Variants in TSC2 observed in about 807,000 individuals in gnomAD.
The protein encoded by TSC2 is TSC complex subunit 2.
TSC2 carries 29 observed loss-of-function variants against 202.2 expected under a neutral mutation model. That is an observed-to-expected ratio of 0.14 (90% CI 0.11 to 0.20). The LOEUF (loss-of-function observed/expected upper bound fraction) is 0.20. Ranked by LOEUF, TSC2 falls within the 10% of genes least tolerant of loss-of-function variation. The probability of loss-of-function intolerance (pLI) is 1.00; values close to 1 mark genes in which losing one functional copy is unlikely to be tolerated. For synonymous variants in TSC2, 1,349 were observed against 1,044.0 expected (o/e 1.29, Z -5.63); for missense variants, 2,429 against 2,420.0 (o/e 1.00, Z -0.08).
rs780071959 is a variant in TSC2 at position 2,085,304 on chromosome 16, G to T, written c.4644G>T (p.Leu1548=). The stretch of plus-strand genomic sequence containing the variant: ...ACGACACCCACAAGATCGCCGTCCT[G>T]TATGTTGGAGAAGGCCAGGTGAGGC... The part of the protein sequence containing the change: ...PSYDTHKIAV[L]YVGEGQSNSE... Residue 1548 remains leucine (L), a synonymous_variant, in exon 36 of 42, where the codon CTG becomes CTT. Coordinates refer to ENST00000219476, the MANE Select transcript of TSC2 (RefSeq NM_000548.5). 2 of 1,612,734 alleles carry T rather than the reference G, an allele frequency of 1.2e-6. No individual in the cohort carries two copies. The highest frequency in any genetic ancestry group is 1.7e-5 in the Admixed American group (1 of 60,030).
intron 14 of TSC2, chr16:2,064,061 C>T: frequency 1.4e-6 from 1 of 725,918 alleles, no homozygotes; most frequent in Non-Finnish European, 2.4e-6. Context: ...TGCTCACCAG[C>T]CTTCTGAACG....
At chr16:2,064,150 C>CTG (rs754285275) in intron 14 of TSC2, 122 bp from the exon 15 acceptor site, 490 of 1,503,612 alleles carry the variant, frequency 3.3e-4, no homozygotes, top group Admixed American at 1.0e-3. Context: ...CTCTGCCCAG[C>CTG]TGTGCTGAAG....
At chr16:2,050,337 C>A (rs2150993164) in intron 2 of TSC2, 63 bp from the exon 3 acceptor site, 2 of 1,468,642 alleles carry the variant, frequency 1.4e-6, no homozygotes, top group South Asian at 1.1e-5. Flanking sequence ...TGGTTTGTGA[C>A]TTGCAGTTAA....
rs1319033169 is a variant in TSC2 at position 2,048,569 on chromosome 16, C to T, written c.-29-18C>T. ...GAGGTGTTGCTCAGATGTCCCCATT[C>T]CTGTTTCGTTTGCACAGAGGGGTTT... On this transcript the variant is annotated intron_variant, in intron 1 of 41. Coordinates refer to ENST00000219476, the MANE Select transcript of TSC2 (RefSeq NM_000548.5). 1 of 1,613,244 alleles carries T rather than the reference C, an allele frequency of 6.2e-7. No individual in the cohort carries two copies. The highest frequency in any genetic ancestry group is 1.3e-5 in the African/African-American group (1 of 74,888).
intron 36 of TSC2, among the ~76,000 whole-genome samples, 171 bp downstream of exon 36, chr16:2,085,493 A>G (rs1163829807): frequency 6.6e-6 from 1 of 151,930 alleles, no homozygotes; most frequent in African/African-American, 2.4e-5. Context: ...AGTGCTGGGG[A>G]CCCCGGTGCG....
chr16:2,088,623 C>A lies in TSC2; in HGVS notation c.*13C>A, dbSNP rs746489853. 1 of 1,598,394 alleles carries A rather than the reference C, an allele frequency of 6.3e-7. No individual in the cohort carries two copies. The highest frequency in any genetic ancestry group is 8.5e-7 in the Non-Finnish European group (1 of 1,178,676). The stretch of plus-strand genomic sequence containing the variant: ...CGAGTTTGTGTGAGGCCGGGGCCCT[C>A]CCTCCTGCACTGGCCTTGGACGGTA... On this transcript the variant is annotated 3_prime_UTR_variant, in exon 42 of 42. Coordinates refer to ENST00000219476, the MANE Select transcript of TSC2 (RefSeq NM_000548.5).
At chr16:2,071,330 G>A in intron 17 of TSC2, 180 bp from the exon 18 acceptor site, 1 of 674,948 alleles carries the variant, frequency 1.5e-6, no homozygotes, top group Non-Finnish European at 2.7e-6. Context: ...TGTGGGTGCT[G>A]GGCCTCCGGT....
At chr16:2,080,486 C>CT (rs748856777) in intron 30 of TSC2, 109 bp downstream of exon 30, 3 of 1,339,234 alleles carry the variant, frequency 2.2e-6, no homozygotes, top group African/African-American at 3.1e-5. Context: ...TTGGGGGTAA[C>CT]TTTTGTTTTT....
At chr16:2,087,679 G>C (rs1421685259) in intron 38 of TSC2, among the ~76,000 whole-genome samples, 184 bp from the exon 39 acceptor site, 1 of 152,234 alleles carries the variant, frequency 6.6e-6, no homozygotes, top group African/African-American at 2.4e-5. Context: ...GCTGCGCCCA[G>C]ATGTGGAGGG....
chr16:2,082,810 C>T (rs1214812793), intron 32 of TSC2: 4 of 519,956 alleles, frequency 7.7e-6, no homozygotes, highest in Non-Finnish European at 1.4e-5. Flanking sequence ...GCTGCAGACT[C>T]TGATGGGTGG....
rs781153452 is a variant in TSC2, at chr16:2,072,290, C to T, written c.2147C>T (p.Ser716Phe). The T allele has an allele frequency of 1.9e-6, 3 of 1,614,006 alleles. No homozygotes were observed. Among genetic ancestry groups the T allele is most frequent in the Admixed American group, 3.3e-5 (2 of 60,008 alleles). The change falls in exon 20 of 42, where the codon TCC (serine) becomes TTC (phenylalanine). Residue 716 changes from serine to phenylalanine, a missense_variant. Physicochemically the swap from Ser to Phe is radical, Grantham distance 155. Coordinates refer to ENST00000219476, the MANE Select transcript of TSC2 (RefSeq NM_000548.5). The stretch of plus-strand genomic sequence containing the variant: ...CTGGTTCTGGGCAGGCTGCCTGAGT[C>T]CCTGCGCTATAAAGTGCTCATCTTT... ...LKLVLGRLPE[S>F]LRYKVLIFTS... is the part of the protein sequence containing the mutation.
At chr16:2,064,522 CG>C in intron 15 of TSC2, 95 bp downstream of exon 15, 1 of 1,582,010 alleles carries the variant, frequency 6.3e-7, no homozygotes, top group South Asian at 1.1e-5. Flanking sequence ...TTCGAGTGAC[CG>C]GATGGCTGTG....
At chr16:2,053,869 C>T (rs765802120) in intron 4 of TSC2, 1 of 474,360 alleles carries the variant, frequency 2.1e-6, no homozygotes, top group Middle Eastern at 3.2e-4. Flanking sequence ...GTGTTCCTGC[C>T]TCCCCTGGTC....
At chr16:2,087,707 G>A (rs1339294794) in intron 38 of TSC2, among the ~76,000 whole-genome samples, 156 bp from the exon 39 acceptor site, 1 of 152,188 alleles carries the variant, frequency 6.6e-6, no homozygotes, top group Non-Finnish European at 1.5e-5. Context: ...CCTGGGGGAG[G>A]CCAGACAAAC....
chr16:2,059,244 C>T (rs1424190843), intron 10 of TSC2, among the ~76,000 whole-genome samples: 1 of 151,304 alleles, frequency 6.6e-6, no homozygotes, highest in East Asian at 1.9e-4. Flanking sequence ...TCTCGAATTC[C>T]TGACCTGAAG....
At chr16:2,053,720 CA>C in intron 4 of TSC2, 1 of 615,652 alleles carries the variant, frequency 1.6e-6, no homozygotes, top group Non-Finnish European at 3.0e-6. Flanking sequence ...GCAGTTCTCG[CA>C]GAGTGCTGAG....
At position 2,062,425 on chromosome 16, in the gene TSC2, G is replaced by A. The variant is rs2086751440; in HGVS notation, c.1258-72G>A. 1.3e-5 allele frequency: 19 copies of A among 1,445,754 alleles called. No individual in the cohort carries two copies. The South Asian group carries it at 1.6e-4, about 12-fold the overall frequency. The allele number at this position is 1,445,754 out of a possible 1,614,324, so 89.6% of individuals were successfully genotyped here. ...GGCTCTGACAGCAAACCAGCCTCTCGACCAGCAGCCCAGTGTGGAGAAGGA... is the reference window on the plus strand; with the variant it reads ...GGCTCTGACAGCAAACCAGCCTCTCAACCAGCAGCCCAGTGTGGAGAAGGA... On this transcript the variant is annotated intron_variant, in intron 12 of 41. Coordinates refer to ENST00000219476, the MANE Select transcript of TSC2 (RefSeq NM_000548.5).
At chr16:2,053,968 C>T in intron 4 of TSC2, 2 of 458,046 alleles carry the variant, frequency 4.4e-6, no homozygotes, top group Non-Finnish European at 4.1e-6. Context: ...CAGGCCTTGT[C>T]CTCAGTCTCT....
chr16:2,082,752 G>T, intron 32 of TSC2: 1 of 591,748 alleles, frequency 1.7e-6, no homozygotes, highest in Non-Finnish European at 3.0e-6. Flanking sequence ...CCCAGCTTCA[G>T]GCCTGAGGGG....
Sources: allele counts gnomAD v4.1 joint callset (sites outside exome capture counted in the v4.1 genomes callset), GRCh38; gene constraint gnomAD v4.1.1; transcripts MANE v1.5; gene names NCBI Gene and HGNC (gene_info 2026-07-23, HGNC 2026-07-21).